Variants in SMYD1 observed in about 807,000 individuals in gnomAD.
SMYD1 encodes the protein SET and MYND domain containing 1.
A neutral mutation model predicts 54.0 loss-of-function variants in SMYD1; 49 were observed. That is an observed-to-expected ratio of 0.91 (90% CI 0.72 to 1.15). The LOEUF is 1.15. SMYD1 is among the 50% of genes most tolerant of loss of function. SMYD1 has a pLI of 0.00. For missense variants in SMYD1, 653 were observed against 639.6 expected (o/e 1.02, Z -0.23); for synonymous variants, 269 against 234.2 (o/e 1.15, Z -1.36).
At chr2:88,097,286 A>C (rs913689185) in intron 6 of SMYD1, among the ~76,000 whole-genome samples, 5 of 152,032 alleles carry the variant, frequency 3.3e-5, no homozygotes, top group African/African-American at 1.2e-4. Flanking sequence ...AACATCCTGA[A>C]CTCCTGGGTA....
intron 2 of SMYD1, among the ~76,000 whole-genome samples, chr2:88,086,739 G>A (rs555558151): frequency 2.0e-5 from 3 of 151,968 alleles, no homozygotes; most frequent in Admixed American, 6.5e-5. Flanking sequence ...AACAAATCAT[G>A]TTATGTTTTC....
chr2:88,074,611 C>A (rs1180297159), intron 1 of SMYD1, among the ~76,000 whole-genome samples: 2 of 152,146 alleles, frequency 1.3e-5, no homozygotes, highest in African/African-American at 4.8e-5. Flanking sequence ...TGATCCAATT[C>A]ATCACAAAAT....
At chr2:88,080,273 A>G (rs534908584) in intron 1 of SMYD1, among the ~76,000 whole-genome samples, 1 of 134,828 alleles carries the variant, frequency 7.4e-6, no homozygotes, top group Admixed American at 7.4e-5. Flanking sequence ...TACCTAGGTG[A>G]TCACCTGGAA....
At chr2:88,082,901 G>A (rs1674231420) in intron 1 of SMYD1, among the ~76,000 whole-genome samples, 1 of 152,120 alleles carries the variant, frequency 6.6e-6, no homozygotes, top group Non-Finnish European at 1.5e-5. Flanking sequence ...AACACAAGGA[G>A]GAAGTTTGCA....
At chr2:88,082,169 G>C (rs754127491) in intron 1 of SMYD1, among the ~76,000 whole-genome samples, 1 of 152,052 alleles carries the variant, frequency 6.6e-6, no homozygotes, top group African/African-American at 2.4e-5. Flanking sequence ...GTTATGATGG[G>C]CTGCATATCC....
At chr2:88,069,088 C>T (rs981047642) in intron 1 of SMYD1, among the ~76,000 whole-genome samples, 1 of 152,112 alleles carries the variant, frequency 6.6e-6, no homozygotes, top group South Asian at 2.1e-4. Context: ...GACTACCAAG[C>T]TTTTAAATTA....
intron 1 of SMYD1, among the ~76,000 whole-genome samples, chr2:88,083,779 G>A (rs991058697): frequency 6.6e-6 from 1 of 152,154 alleles, no homozygotes. Flanking sequence ...GGGTAAGAGT[G>A]TCCTTCACAT....
chr2:88,067,939 G>A lies in SMYD1; in HGVS notation c.75G>A (p.Lys25=). 6.2e-7 allele frequency: 1 copy of A among 1,614,076 alleles called. No individual in the cohort carries two copies. The highest frequency in any genetic ancestry group is 8.5e-7 in the Non-Finnish European group (1 of 1,180,030). Residue 25 remains lysine (K), a synonymous_variant, in exon 1 of 10, where the codon AAG becomes AAA. Transcript: ENST00000419482. ...AAGGAAGGGGTCTGAAGGCCACCAA[G>A]GAGTTCTGGGCTGCAGATATCATCT... ...EGKGRGLKAT[K]EFWAADIIFA...
At position 88,084,345 on chromosome 2, in the gene SMYD1, T is replaced by A. The variant is rs1674270392; in HGVS notation, c.167T>A (p.Phe56Tyr). 1 of 1,581,766 alleles carries A rather than the reference T, an allele frequency of 6.3e-7. No homozygotes were observed. The highest frequency in any genetic ancestry group is 1.7e-5 in the Admixed American group (1 of 59,554). Residue 56 changes from phenylalanine (F) to tyrosine (Y), a missense_variant, in exon 2 of 10, where the codon TTC (phenylalanine) becomes TAC (tyrosine). Physicochemically the swap from Phe to Tyr is conservative, Grantham distance 22 (BLOSUM62 3). Transcript: ENST00000419482. ...SLVNFVCHTCFKRQEKLHRCG... is the reference protein window; with the variant it reads ...SLVNFVCHTCYKRQEKLHRCG... The stretch of plus-strand genomic sequence containing the variant: ...GTTAATTTTGTGTGCCACACCTGCT[T>A]CAAGAGGCAGGAGAAGCTCCATCGC...
At chr2:88,088,176 G>A (rs1039634674) in intron 3 of SMYD1, 101 bp downstream of exon 3, 3 of 1,286,722 alleles carry the variant, frequency 2.3e-6, no homozygotes, top group Non-Finnish European at 3.2e-6. Context: ...TGAACTAAGA[G>A]GCAGAAGCCC....
At chr2:88,092,749 G>A (rs181030190) in intron 4 of SMYD1, among the ~76,000 whole-genome samples, 69 of 152,354 alleles carry the variant, frequency 4.5e-4, no homozygotes, top group African/African-American at 1.5e-3. Flanking sequence ...TGTTGACTGA[G>A]CTTGACCTGG....
Position 88,070,963 on chromosome 2 carries a change from A to G in SMYD1, c.137+2962A>G, listed in dbSNP as rs1047472230. Among the ~76,000 whole-genome samples the G allele has an allele frequency of 2.0e-5, 3 of 151,906 alleles. No individual in the cohort carries two copies. In the South Asian group the frequency reaches 6.2e-4, roughly 32 times the overall value. On this transcript the variant is annotated intron_variant, in intron 1 of 9. Coordinates refer to ENST00000419482, the MANE Select transcript of SMYD1 (RefSeq NM_198274.4). ...TTCTCAAAAAAAAAAAAAAAAAAAA[A>G]AAAACAGTAATAGTTTTATCACAGT...
chr2:88,106,951 A>G (rs1165197073), intron 8 of SMYD1, among the ~76,000 whole-genome samples: 3 of 152,202 alleles, frequency 2.0e-5, no homozygotes, highest in Non-Finnish European at 4.4e-5. Flanking sequence ...CTGTAATCCC[A>G]GCATTTTGGG....
Position 88,111,928 on chromosome 2 carries a change from C to T in SMYD1, c.*1416C>T. 1 of 641,002 alleles carries T rather than the reference C, an allele frequency of 1.6e-6. No individual in the cohort carries two copies. Among genetic ancestry groups the T allele is most frequent in the Non-Finnish European group, 2.8e-6 (1 of 352,640 alleles). 39.7% of individuals were successfully genotyped at this position (641,002 alleles called of 1,614,324 possible). ...TTGAAGTAAATTGATCCCACCAGGT[C>T]CCACGTTTGTTATCTCTGCCTAAAT... is the stretch of plus-strand genomic sequence containing the variant. On this transcript the variant is annotated 3_prime_UTR_variant, in exon 10 of 10. Transcript: ENST00000419482.
At position 88,110,499 on chromosome 2, in the gene SMYD1, A is replaced by G; in HGVS notation, c.1460A>G (p.His487Arg). The G allele has an allele frequency of 6.3e-7, 1 of 1,583,400 alleles. No homozygotes were observed. Reference sequence around the variant, plus strand: ...AATGAGCCATCCCCAGCTCTGTTCCACAAGAAGCAATGAGGACTGCCCAGT... The same window carrying G: ...AATGAGCCATCCCCAGCTCTGTTCCGCAAGAAGCAATGAGGACTGCCCAGT... ...PSNEPSPALF[H>R]KKQ is the part of the protein sequence containing the mutation. Residue 487 changes from histidine (H) to arginine (R), a missense_variant, in exon 10 of 10, where the codon CAC becomes CGC. His to Arg is a conservative substitution (Grantham distance 29). Coordinates refer to ENST00000419482, the MANE Select transcript of SMYD1 (RefSeq NM_198274.4).
At chr2:88,084,187 T>C in intron 1 of SMYD1, 129 bp from the exon 2 acceptor site, 1 of 698,260 alleles carries the variant, frequency 1.4e-6, no homozygotes, top group East Asian at 2.8e-5. Flanking sequence ...TTTTGGAAGG[T>C]GGAAATCTGA....
At position 88,110,895 on chromosome 2, in the gene SMYD1, A is replaced by G. The variant is rs1391906445; in HGVS notation, c.*383A>G. The G allele has an allele frequency of 3.6e-5, 6 of 164,976 alleles. No homozygotes were observed. The highest frequency in any genetic ancestry group is 6.5e-5 in the Non-Finnish European group (5 of 76,672). The allele number at this position is 164,976 out of a possible 1,614,324, so 10.2% of individuals were successfully genotyped here. ...GAGGAGGGAATGTGTCTGGTGTGTG[A>G]TGTGTGTGTGTGCAGTGGGGGTATC... On this transcript the variant is annotated 3_prime_UTR_variant, in exon 10 of 10. Transcript: ENST00000419482.
rs13429259 is a variant in SMYD1, at chr2:88,089,705, G to A, written c.529-1307G>A. 6.9e-3 allele frequency among the ~76,000 whole-genome samples: 1,002 copies of A among 144,548 alleles called. 14 individuals carry two copies. Among genetic ancestry groups the A allele is most frequent in the African/African-American group, 0.024 (925 of 38,936 alleles). 94.8% of individuals were successfully genotyped at this position (144,548 alleles called of 152,430 possible). On this transcript the variant is annotated intron_variant, in intron 3 of 9. Coordinates refer to ENST00000419482, the MANE Select transcript of SMYD1 (RefSeq NM_198274.4). ...TCTTCCAGGCTCAAGTGATCCTCCC[G>A]CCTCCCAAGTAGCTGGGACCACAGA...
intron 3 of SMYD1, among the ~76,000 whole-genome samples, chr2:88,088,872 G>A (rs1450146873): frequency 2.6e-5 from 4 of 152,156 alleles, no homozygotes; most frequent in South Asian, 2.1e-4. Context: ...AAGTGGGGGC[G>A]AGAACCCGGT....
Sources: gnomAD v4.1 joint callset for allele counts (sites outside exome capture counted in the v4.1 genomes callset) on GRCh38, gnomAD v4.1.1 for gene constraint, MANE v1.5 for transcripts, NCBI Gene and HGNC (gene_info 2026-07-23, HGNC 2026-07-21) for gene names.